The following CSF2RA variants were observed in gnomAD, a reference collection of about 807,000 sequenced individuals.
CSF2RA encodes granulocyte-macrophage colony-stimulating factor receptor subunit alpha.
Under a neutral mutation model 51.6 loss-of-function variants are expected in CSF2RA, and 42 were observed. The ratio of observed to expected loss-of-function variants is 0.81; its 90% CI spans 0.64 to 1.05. CSF2RA has a LOEUF of 1.05. CSF2RA is among the 50% of genes least tolerant of loss of function. The pLI is 0.00. For missense variants in CSF2RA, 530 were observed against 501.1 expected, an observed-to-expected ratio of 1.06 and a Z score of -0.55; for synonymous variants, 222 against 193.0, an observed-to-expected ratio of 1.15 and a Z score of -1.24.
downstream of CSF2RA, among the ~76,000 whole-genome samples, chrX:1,314,248 GCACCTGCCCAACCC>G (rs1569514683): frequency 3.7e-4 from 39 of 106,782 alleles, 1 homozygote; most frequent in South Asian, 7.9e-3. Context: ...CAACCCCACT[GCACCTGCCCAACCC>G]CACTGCGCCT....
intron 1 of CSF2RA, among the ~76,000 whole-genome samples, chrX:1,272,585 T>C (rs2088581169): frequency 6.6e-6 from 1 of 151,654 alleles, no homozygotes; most frequent in Admixed American, 6.6e-5. Flanking sequence ...CCTCCTGGGT[T>C]CACCCGATTT....
Position 1,285,935 on chromosome X carries a change from C to T in CSF2RA, c.219+15C>T, listed in dbSNP as rs376331806. The T allele has an allele frequency of 6.2e-7, 1 of 1,613,694 alleles. No homozygotes were observed. Among genetic ancestry groups the T allele is most frequent in the Admixed American group, 1.7e-5 (1 of 59,958 alleles). On this transcript the variant is annotated intron_variant, in intron 4 of 12. Transcript: ENST00000381529. ...TGGAACCCAGGGTGAGACGAATTTC[C>T]CATTCTCAACCCCTGTCCTTTACAC...
At position 1,306,973 on chromosome X, in the gene CSF2RA, A is replaced by T. The variant is rs139136420; in HGVS notation, c.1125+1446A>T. ...AGGCAGATAAAAGACACACAGAGAC[A>T]CCGAGAGAGACAGGGAAGACAGAGG... On this transcript the variant is annotated intron_variant, in intron 12 of 12. Coordinates refer to ENST00000381529, the MANE Select transcript of CSF2RA (RefSeq NM_172245.4). Among the ~76,000 whole-genome samples, 1,405 of 151,908 alleles carry T rather than the reference A, an allele frequency of 9.2e-3. 18 individuals are homozygous for T. Among genetic ancestry groups the T allele is most frequent in the African/African-American group, 0.033 (1,346 of 41,412 alleles).
chrX:1,274,345 G>C (rs2088854232), intron 1 of CSF2RA, among the ~76,000 whole-genome samples: 1 of 151,682 alleles, frequency 6.6e-6, no homozygotes, highest in Non-Finnish European at 1.5e-5. Context: ...TGGGGATCCA[G>C]TCTTGTTCTG....
chrX:1,269,915 T>C (rs1266396841), intron 1 of CSF2RA, among the ~76,000 whole-genome samples: 1 of 152,026 alleles, frequency 6.6e-6, no homozygotes, highest in Admixed American at 6.6e-5. Flanking sequence ...CGAGATCAGC[T>C]TGGCCAACAT....
chrX:1,272,079 C>T (rs2088510730), intron 1 of CSF2RA, among the ~76,000 whole-genome samples: 3 of 150,172 alleles, frequency 2.0e-5, no homozygotes, highest in Admixed American at 2.0e-4. Flanking sequence ...TCAGCCTCTC[C>T]AGTAGCTGGG....
chrX:1,285,789 G>C lies in CSF2RA; in HGVS notation c.88G>C (p.Val30Leu). Residue 30 changes from valine to leucine, a missense_variant, in exon 4 of 13, where the codon GTG (valine) becomes CTG (leucine). Val to Leu is a conservative substitution (Grantham distance 32). Transcript: ENST00000381529. ...CCCGCTCCTTGCAGATCTGCGAACA[G>C]TGGCACCAGCCTCTAGTCTCAATGT... is the stretch of plus-strand genomic sequence containing the variant. The part of the protein sequence containing the change: ...LIPEKSDLRT[V>L]APASSLNVRF... The C allele has an allele frequency of 6.2e-7, 1 of 1,610,318 alleles. No homozygotes were observed. The highest frequency in any genetic ancestry group is 8.5e-7 in the Non-Finnish European group (1 of 1,178,638).
At chrX:1,281,083 T>C (rs868177803) in intron 2 of CSF2RA, among the ~76,000 whole-genome samples, 39 of 31,116 alleles carry the variant, frequency 1.3e-3, no homozygotes, top group Admixed American at 1.7e-3. Context: ...TCCTCCTCCT[T>C]CTCCTCCTGC....
At chrX:1,301,378 C>T (rs1341140157) in intron 10 of CSF2RA, among the ~76,000 whole-genome samples, 1 of 147,122 alleles carries the variant, frequency 6.8e-6, no homozygotes, top group Admixed American at 6.8e-5. Flanking sequence ...GAGGTGGTCT[C>T]ATACTCATAC....
intron 11 of CSF2RA, 96 bp from the exon 12 acceptor site, chrX:1,305,350 C>A: frequency 1.5e-6 from 2 of 1,346,022 alleles, no homozygotes; most frequent in Non-Finnish European, 2.1e-6. Context: ...TGAGCGCAGA[C>A]ACCCCGCACG....
chrX:1,288,050 T>G (rs1470314678), intron 4 of CSF2RA, among the ~76,000 whole-genome samples: 1 of 152,008 alleles, frequency 6.6e-6, no homozygotes, highest in Non-Finnish European at 1.5e-5. Flanking sequence ...AGTCTGGTAC[T>G]TTCAGCACTG....
In CSF2RA at chrX:1,278,484, C is replaced by T. The variant is rs779440809; in HGVS notation, c.-27+3666C>T. Among the ~76,000 whole-genome samples the T allele has an allele frequency of 4.2e-5, 6 of 144,562 alleles. No individual in the cohort carries two copies. In the South Asian group the frequency reaches 6.6e-4, roughly 16 times the overall value. The allele number at this position is 144,562 out of a possible 152,430, so 94.8% of individuals were successfully genotyped here. A position where few individuals can be genotyped will look rare whatever the true frequency, so the allele number is the denominator to read the frequency against. On this transcript the variant is annotated intron_variant, in intron 2 of 12. Coordinates refer to ENST00000381529, the MANE Select transcript of CSF2RA (RefSeq NM_172245.4). Reference sequence around the variant, plus strand: ...GGTGGATCACCTGAGGTCAGGATTTCGAGACCAGCCTCGCCAACATGGTGA... The same window carrying T: ...GGTGGATCACCTGAGGTCAGGATTTTGAGACCAGCCTCGCCAACATGGTGA...
intron 2 of CSF2RA, among the ~76,000 whole-genome samples, chrX:1,276,573 C>T (rs1229838276): frequency 6.6e-6 from 1 of 151,072 alleles, no homozygotes; most frequent in Non-Finnish European, 1.5e-5. Flanking sequence ...AGGGTTTCAC[C>T]GTATTGTCCA....
At chrX:1,278,800 G>A (rs1468505700) in intron 2 of CSF2RA, among the ~76,000 whole-genome samples, 2 of 150,338 alleles carry the variant, frequency 1.3e-5, no homozygotes, top group Admixed American at 6.6e-5. Context: ...CACTTTGGGA[G>A]CCCAAGGCAT....
At chrX:1,303,533 C>G (rs2083229975) in intron 10 of CSF2RA, among the ~76,000 whole-genome samples, 1 of 151,680 alleles carries the variant, frequency 6.6e-6, no homozygotes, top group African/African-American at 2.4e-5. Flanking sequence ...AGCCACCGTG[C>G]CTGGCCCAAT....
In CSF2RA at chrX:1,270,033, C is replaced by T. The variant is rs143888095; in HGVS notation, c.-91+1154C>T. 2.8e-3 allele frequency among the ~76,000 whole-genome samples: 419 copies of T among 151,970 alleles called. 2 individuals carry two copies. The highest frequency in any genetic ancestry group is 0.01 in the Middle Eastern group (3 of 294). ...CTGAGGCAGGAGAATCGCTTGAACC[C>T]GGGAGGCGGAGGTTGCAGTGAGCCC... On this transcript the variant is annotated intron_variant, in intron 1 of 12. Coordinates refer to ENST00000381529, the MANE Select transcript of CSF2RA (RefSeq NM_172245.4).
At chrX:1,283,752 T>G (rs1436411520) in intron 3 of CSF2RA, among the ~76,000 whole-genome samples, 1 of 151,828 alleles carries the variant, frequency 6.6e-6, no homozygotes, top group Non-Finnish European at 1.5e-5. Context: ...GTATTTTTAG[T>G]AGAGATGGGG....
chrX:1,304,257 C>G (rs62603310), intron 11 of CSF2RA, among the ~76,000 whole-genome samples: 9,906 of 66,030 alleles, frequency 0.15, 3,091 homozygotes, highest in Non-Finnish European at 0.2. Context: ...AAAATTAGCC[C>G]GGCGTGGTCG....
At chrX:1,270,898 G>A (rs112067770) in intron 1 of CSF2RA, among the ~76,000 whole-genome samples, 46,516 of 76,960 alleles carry the variant, frequency 0.6, 11,525 homozygotes, top group Non-Finnish European at 0.66. Context: ...AAAATTAGCC[G>A]GGGCGTGGTG....
Sources: gnomAD v4.1 joint callset for allele counts (sites outside exome capture counted in the v4.1 genomes callset) on GRCh38, gnomAD v4.1.1 for gene constraint, MANE v1.5 for transcripts, NCBI Gene and HGNC (gene_info 2026-07-23, HGNC 2026-07-21) for gene names.